Variants in SVIL observed in about 807,000 individuals in gnomAD.
SVIL encodes archvillin.
A neutral mutation model predicts 240.4 loss-of-function variants in SVIL; 101 were observed. The observed-to-expected ratio is 0.42, with a 90% CI of 0.36 to 0.50. The LOEUF (loss-of-function observed/expected upper bound fraction) is 0.50. Ranked by LOEUF, SVIL falls within the 20% of genes least tolerant of loss-of-function variation. The pLI is 0.01. For synonymous variants in SVIL, 999 were observed against 1,100.0 expected (o/e 0.91, Z 1.82); for missense variants, 2,512 against 2,818.7 (o/e 0.89, Z 2.46).
rs543398281 is a variant in SVIL at position 29,599,447 on chromosome 10, G to T, written c.-200-30135C>A. On this transcript the variant is annotated intron_variant, in intron 1 of 37. Coordinates refer to ENST00000355867, the MANE Select transcript of SVIL (RefSeq NM_021738.3). The stretch of plus-strand genomic sequence containing the variant: ...ACTTTTTTTTTTGAGACAGAGTCTC[G>T]CTCTCTCGCCCAGGCTGGAGTGCAG... Among the ~76,000 whole-genome samples the T allele has an allele frequency of 4.0e-5, 6 of 150,158 alleles. No individual in the cohort carries two copies. The South Asian group carries it at 1.3e-3, about 32-fold the overall frequency.
intron 9 of SVIL, among the ~76,000 whole-genome samples, 158 bp from the exon 10 acceptor site, chr10:29,531,446 T>C (rs1440785616): frequency 6.6e-6 from 1 of 152,250 alleles, no homozygotes; most frequent in Non-Finnish European, 1.5e-5. Flanking sequence ...ACACATACAG[T>C]TGTGAAGCAA....
At chr10:29,550,099 T>C (rs1236686234) in intron 6 of SVIL, among the ~76,000 whole-genome samples, 3 of 137,206 alleles carry the variant, frequency 2.2e-5, no homozygotes, top group Non-Finnish European at 3.2e-5. Flanking sequence ...AAAAAGAACA[T>C]GAGGCTTCCT....
chr10:29,652,684 G>A (rs1181475581), intron 3 of SVIL, among the ~76,000 whole-genome samples: 1 of 152,096 alleles, frequency 6.6e-6, no homozygotes, highest in Non-Finnish European at 1.5e-5. Flanking sequence ...TTGGAAACAC[G>A]GGCATTCCAA....
At chr10:29,562,964 C>T (rs1954645733) in intron 3 of SVIL, among the ~76,000 whole-genome samples, 5 of 151,758 alleles carry the variant, frequency 3.3e-5, no homozygotes, top group Admixed American at 1.3e-4. Context: ...CAGCCTCTGG[C>T]GAAAACCTGA....
In SVIL at chr10:29,511,589, T is replaced by C. The variant is rs1949842288; in HGVS notation, c.3516+1146A>G. On this transcript the variant is annotated intron_variant, in intron 17 of 37. Coordinates refer to ENST00000355867, the MANE Select transcript of SVIL (RefSeq NM_021738.3). The stretch of plus-strand genomic sequence containing the variant: ...GATGGATTTTCACTTCAGGATCACA[T>C]TTTTGAAATCTGAATTTCACACGGT... Among the ~76,000 whole-genome samples the C allele has an allele frequency of 2.0e-5, 3 of 152,256 alleles. No homozygotes were observed. In the South Asian group the frequency reaches 6.2e-4, roughly 31 times the overall value.
chr10:29,621,470 G>A (rs111429503), intron 1 of SVIL, among the ~76,000 whole-genome samples: 6,643 of 152,346 alleles, frequency 0.044, 219 homozygotes, highest in Non-Finnish European at 0.063. Context: ...GGGCTACCCC[G>A]CAGCGGGCCA....
At chr10:29,564,132 C>T (rs1052982993) in intron 2 of SVIL, among the ~76,000 whole-genome samples, 1 of 152,150 alleles carries the variant, frequency 6.6e-6, no homozygotes, top group Non-Finnish European at 1.5e-5. Flanking sequence ...AACACTCCCA[C>T]CATGGCGGAT....
At chr10:29,698,417 C>T (rs1277323359) in intron 1 of SVIL, among the ~76,000 whole-genome samples, 10 of 135,444 alleles carry the variant, frequency 7.4e-5, no homozygotes, top group African/African-American at 1.3e-4. Flanking sequence ...CCAGAAGCCA[C>T]GATGTGCTCT....
At chr10:29,590,103 T>G (rs1589336503) in intron 1 of SVIL, among the ~76,000 whole-genome samples, 1 of 137,786 alleles carries the variant, frequency 7.3e-6, no homozygotes, top group Admixed American at 8.0e-5. Flanking sequence ...GAGGCGGAGG[T>G]TGCAGTGAGC....
chr10:29,582,659 A>G (rs1336454989), intron 1 of SVIL, among the ~76,000 whole-genome samples: 3 of 151,832 alleles, frequency 2.0e-5, no homozygotes, highest in Non-Finnish European at 4.4e-5. Context: ...TTAAGCCCAG[A>G]AATTTGAGGC....
At chr10:29,733,245 T>G (rs959897037) in intron 1 of SVIL, among the ~76,000 whole-genome samples, 1 of 152,244 alleles carries the variant, frequency 6.6e-6, no homozygotes, top group Admixed American at 6.5e-5. Context: ...TGCTAGGCAC[T>G]GTGCCGAGTA....
chr10:29,487,281 G>C lies in SVIL; in HGVS notation c.4367C>G (p.Thr1456Ser). Reference protein sequence around the residue: ...LQIKGRRHVQTRLVEPRASAL... With the variant: ...LQIKGRRHVQSRLVEPRASAL... ...CGAAGCTCGAGGTTCCACCAGCCTG[G>C]TCTGCACATGTCTTCTTCCTGAACA... is the stretch of plus-strand genomic sequence containing the variant. Residue 1456 changes from threonine to serine, a missense_variant, in exon 24 of 38, where the codon ACC becomes AGC. By Grantham distance (58) the Thr-to-Ser change is moderately conservative. Coordinates refer to ENST00000355867, the MANE Select transcript of SVIL (RefSeq NM_021738.3). 1 of 1,614,094 alleles carries C rather than the reference G, an allele frequency of 6.2e-7. No individual in the cohort carries two copies.
intron 1 of SVIL, among the ~76,000 whole-genome samples, chr10:29,604,363 C>G (rs922778027): frequency 2.6e-5 from 1 of 38,404 alleles, no homozygotes; most frequent in Non-Finnish European, 5.7e-5. Flanking sequence ...CCATGTCTGG[C>G]TTTTTTTTTT....
chr10:29,497,160 A>G (rs1225086777), intron 18 of SVIL, among the ~76,000 whole-genome samples: 1 of 152,238 alleles, frequency 6.6e-6, no homozygotes, highest in East Asian at 1.9e-4. Context: ...ATCACCATTC[A>G]GGGATTTCCC....
At chr10:29,611,405 C>T (rs1426792861) in intron 1 of SVIL, among the ~76,000 whole-genome samples, 1 of 151,732 alleles carries the variant, frequency 6.6e-6, no homozygotes, top group African/African-American at 2.4e-5. Context: ...GGTGGGGGGA[C>T]TGCTGGAACG....
chr10:29,679,003 C>G (rs182611978), intron 2 of SVIL, among the ~76,000 whole-genome samples: 2 of 152,196 alleles, frequency 1.3e-5, no homozygotes, highest in South Asian at 4.1e-4. Context: ...GTCAGGAGTT[C>G]GAGACCAGCC....
chr10:29,482,237 T>G (rs1337042596), intron 27 of SVIL, among the ~76,000 whole-genome samples: 1 of 152,112 alleles, frequency 6.6e-6, no homozygotes, highest in Non-Finnish European at 1.5e-5. Context: ...TCTCGCTATG[T>G]TGCTCAGGCT....
Position 29,713,084 on chromosome 10 carries a change from T to C in SVIL, c.-400+22667A>G, listed in dbSNP as rs139419054. On this transcript the variant is annotated intron_variant, in intron 1 of 35. Transcript: ENST00000375400. ...ATCCCAGCTACTCAGGAAGCTGAGG[T>C]AGGAGAATTGCTTGAATCTGGGAGG... Among the ~76,000 whole-genome samples the C allele has an allele frequency of 7.0e-3, 1,070 of 151,866 alleles. 11 individuals are homozygous for C. Among genetic ancestry groups the C allele is most frequent in the East Asian group, 0.049 (252 of 5,148 alleles).
intron 6 of SVIL, among the ~76,000 whole-genome samples, chr10:29,549,226 C>T (rs1303889883): frequency 4.1e-5 from 6 of 145,306 alleles, no homozygotes; most frequent in Admixed American, 6.9e-5. Context: ...TGAACAGACA[C>T]TTCTCAAAAG....
Sources: allele counts gnomAD v4.1 joint callset (sites outside exome capture counted in the v4.1 genomes callset), GRCh38; gene constraint gnomAD v4.1.1; transcripts MANE v1.5; gene names NCBI Gene and HGNC (gene_info 2026-07-23, HGNC 2026-07-21).